SNRNP200: variants seen among roughly 807,000 people sequenced by gnomAD.
SNRNP200 encodes U5 small nuclear ribonucleoprotein 200 kDa helicase.
In SNRNP200, 66 loss-of-function variants were observed where a neutral mutation model predicts 255.2. The ratio of observed to expected loss-of-function variants is 0.26; its 90% CI spans 0.21 to 0.32. The LOEUF is 0.32. Among genes scored for constraint, SNRNP200 ranks in the 10% least tolerant of loss-of-function variants. The pLI is 1.00. For synonymous variants in SNRNP200, 939 were observed against 1,027.8 expected, an observed-to-expected ratio of 0.91 and a Z score of 1.65; for missense variants, 1,585 against 2,749.8, an observed-to-expected ratio of 0.58 and a Z score of 9.47.
chr2:96,304,403 G>A (rs994112204), intron 2 of SNRNP200, among the ~76,000 whole-genome samples: 1 of 152,168 alleles, frequency 6.6e-6, no homozygotes, highest in African/African-American at 2.4e-5. Flanking sequence ...GGGAAAAAAG[G>A]AAAACGAATT....
intron 2 of SNRNP200, among the ~76,000 whole-genome samples, chr2:96,304,466 ATCTG>A (rs2063974527): frequency 6.6e-6 from 1 of 152,186 alleles, no homozygotes; most frequent in Non-Finnish European, 1.5e-5. Context: ...GAAAATTAAG[ATCTG>A]TCTATGGACC....
intron 14 of SNRNP200, 127 bp downstream of exon 14, chr2:96,295,361 T>G: frequency 5.4e-6 from 8 of 1,469,818 alleles, no homozygotes; most frequent in Non-Finnish European, 7.6e-6. Flanking sequence ...CCTACGGAAT[T>G]GGAGGACTAG....
In SNRNP200 at chr2:96,297,082, G is replaced by A. The variant is rs779516764; in HGVS notation, c.1378-12C>T. On this transcript the variant is annotated splice_polypyrimidine_tract_variant and intron_variant, in intron 11 of 44. Coordinates refer to ENST00000323853, the MANE Select transcript of SNRNP200 (RefSeq NM_014014.5). ...ACTGGAAGCAGTTGCTAGAAGAAAAGAAGTGCCATCAATATCATGTTGGCA... is the reference window on the plus strand; with the variant it reads ...ACTGGAAGCAGTTGCTAGAAGAAAAAAAGTGCCATCAATATCATGTTGGCA... The A allele has an allele frequency of 1.2e-6, 2 of 1,614,190 alleles. No individual in the cohort carries two copies. The highest frequency in any genetic ancestry group is 2.2e-5 in the East Asian group (1 of 44,878).
intron 23 of SNRNP200, 105 bp from the exon 24 acceptor site, chr2:96,288,851 A>G: frequency 9.1e-7 from 1 of 1,098,210 alleles, no homozygotes; most frequent in Non-Finnish European, 1.4e-6. Flanking sequence ...GATTTGCTAC[A>G]GGTCTTGATT....
intron 30 of SNRNP200, 154 bp from the exon 31 acceptor site, chr2:96,284,739 G>T (rs1381390048): frequency 7.7e-6 from 5 of 645,372 alleles, no homozygotes; most frequent in Non-Finnish European, 1.4e-5. Context: ...ATGCGATGGG[G>T]CAGCTTTTTC....
intron 3 of SNRNP200, among the ~76,000 whole-genome samples, 169 bp downstream of exon 3, chr2:96,302,990 G>C (rs2063962506): frequency 6.6e-6 from 1 of 152,120 alleles, no homozygotes; most frequent in Non-Finnish European, 1.5e-5. Context: ...AGGCATGATT[G>C]ATTAAATGAC....
At chr2:96,296,871 A>G in intron 12 of SNRNP200, 62 bp downstream of exon 12, 1 of 1,611,114 alleles carries the variant, frequency 6.2e-7, no homozygotes, top group Non-Finnish European at 8.5e-7. Context: ...ATAAAAAACA[A>G]TCTTGCAACG....
In SNRNP200 at chr2:96,295,476, C is replaced by T. The variant is rs1181576942; in HGVS notation, c.1842+12G>A. On this transcript the variant is annotated intron_variant, in intron 14 of 44. Transcript: ENST00000323853. ...AACTGGACTCTATATTCTACGACTGCTCCCAACTCACCAGAATGATGAGCC... is the reference window on the plus strand; with the variant it reads ...AACTGGACTCTATATTCTACGACTGTTCCCAACTCACCAGAATGATGAGCC... The T allele has an allele frequency of 1.2e-6, 2 of 1,613,488 alleles. No homozygotes were observed. Among genetic ancestry groups the T allele is most frequent in the East Asian group, 4.5e-5 (2 of 44,864 alleles).
intron 31 of SNRNP200, 82 bp downstream of exon 31, chr2:96,284,276 C>T: frequency 1.6e-6 from 2 of 1,277,486 alleles, no homozygotes; most frequent in Non-Finnish European, 2.3e-6. Context: ...AGCCTCCGTC[C>T]TCAGACCCAA....
In SNRNP200 at chr2:96,274,675, C is replaced by G; in HGVS notation, c.*337G>C. On this transcript the variant is annotated 3_prime_UTR_variant, in exon 45 of 45. Coordinates refer to ENST00000323853, the MANE Select transcript of SNRNP200 (RefSeq NM_014014.5). The stretch of plus-strand genomic sequence containing the variant: ...TAAAAAATAACCAGATCTTTTTGGC[C>G]GTGCCCTCAGGTTGGAGAAAGAAAA... 1 of 367,908 alleles carries G rather than the reference C, an allele frequency of 2.7e-6. No homozygotes were observed. 22.8% of individuals were successfully genotyped at this position (367,908 alleles called of 1,614,324 possible). A position where few individuals can be genotyped will look rare whatever the true frequency, so the allele number is the denominator to read the frequency against.
At chr2:96,276,557 G>A in intron 43 of SNRNP200, 1 of 352,910 alleles carries the variant, frequency 2.8e-6, no homozygotes, top group East Asian at 7.3e-5. Context: ...GAGTAGCTGG[G>A]ACTACAGGTG....
intron 36 of SNRNP200, chr2:96,279,232 G>A: frequency 1.5e-6 from 1 of 645,778 alleles, no homozygotes; most frequent in Non-Finnish European, 2.7e-6. Flanking sequence ...AGAGAACCAA[G>A]TAGAGGGTGA....
intron 36 of SNRNP200, 33 bp downstream of exon 36, chr2:96,279,418 G>T: frequency 7.4e-7 from 1 of 1,355,924 alleles, no homozygotes; most frequent in Non-Finnish European, 1.1e-6. Flanking sequence ...CTGAGGCTAC[G>T]GATCCAAGAG....
At chr2:96,279,205 C>T in intron 36 of SNRNP200, 1 of 651,860 alleles carries the variant, frequency 1.5e-6, no homozygotes, top group Non-Finnish European at 2.7e-6. Context: ...GAGCAGTGAG[C>T]AGCCCAAGGA....
chr2:96,279,325 G>A (rs1237275304), intron 36 of SNRNP200, 126 bp downstream of exon 36: 2 of 771,178 alleles, frequency 2.6e-6, no homozygotes, highest in African/African-American at 3.5e-5. Context: ...CGTCACAAAA[G>A]AATTGTGTAA....
intron 24 of SNRNP200, among the ~76,000 whole-genome samples, chr2:96,288,306 G>A (rs2063856413): frequency 6.6e-6 from 1 of 152,294 alleles, no homozygotes; most frequent in Admixed American, 6.5e-5. Flanking sequence ...AAGATGAAGA[G>A]CAGCTAATAA....
In SNRNP200 at chr2:96,289,293, C is replaced by T. The variant is rs1558767551; in HGVS notation, c.3027G>A (p.Leu1009=). 1.2e-6 allele frequency: 2 copies of T among 1,614,222 alleles called. No individual in the cohort carries two copies. The highest frequency in any genetic ancestry group is 1.7e-6 in the Non-Finnish European group (2 of 1,180,046). The part of the protein sequence containing the change: ...QTYNQLLKPT[L]SEIELFRVFS... ...AGACCCTGAAAAGCTCAATCTCACTCAGGGTGGGCTTCAGCAGCTGGTTGT... is the reference window on the plus strand; with the variant it reads ...AGACCCTGAAAAGCTCAATCTCACTTAGGGTGGGCTTCAGCAGCTGGTTGT... Residue 1009 remains leucine (L), a synonymous_variant, in exon 22 of 45, where the codon CTG becomes CTA. Coordinates refer to ENST00000323853, the MANE Select transcript of SNRNP200 (RefSeq NM_014014.5).
Position 96,291,757 on chromosome 2 carries a change from C to T in SNRNP200, c.2304G>A (p.Gln768=). ...CCAGCTGGCCCCTCCTCACCTTGCA[C>T]TGCTCAGCTTCTGTTCGCAGGACTT... is the stretch of plus-strand genomic sequence containing the variant. ...STEVLRTEAE[Q]CKNLELKDLL... is the part of the protein sequence containing the mutation. The change falls in exon 17 of 45, where the codon CAG becomes CAA. Residue 768 remains glutamine, a synonymous_variant. Transcript: ENST00000323853. The surrounding 1 kb of genome is among the most constrained non-coding windows in gnomAD (Gnocchi z 4.2). The T allele has an allele frequency of 1.9e-6, 3 of 1,614,144 alleles. 1 individual carries two copies. Among genetic ancestry groups the T allele is most frequent in the South Asian group, 2.2e-5 (2 of 91,088 alleles).
chr2:96,303,103 T>C (rs1397995881), intron 3 of SNRNP200, 56 bp downstream of exon 3: 16 of 1,571,488 alleles, frequency 1.0e-5, no homozygotes, highest in Non-Finnish European at 1.4e-5. Flanking sequence ...TCTTAGAAGC[T>C]GTATGCCAGA....
Sources: allele counts gnomAD v4.1 joint callset (sites outside exome capture counted in the v4.1 genomes callset), GRCh38; gene constraint gnomAD v4.1.1; non-coding constraint Gnocchi (gnomAD v3.1); transcripts MANE v1.5; gene names NCBI Gene and HGNC (gene_info 2026-07-23, HGNC 2026-07-21).